ULK4: variants seen among roughly 807,000 people sequenced by gnomAD.
ULK4 encodes the protein unc-51 like kinase 4, also known as inactive serine/threonine-protein kinase ULK4.
In ULK4, 133 loss-of-function variants were observed where a neutral mutation model predicts 160.6. That is an observed-to-expected ratio of 0.83 (90% CI 0.72 to 0.96). ULK4 has a LOEUF of 0.96. Ranked by LOEUF, ULK4 falls within the 40% of genes least tolerant of loss-of-function variation. ULK4 has a pLI of 0.00. For synonymous variants in ULK4, 534 were observed against 539.8 expected (o/e 0.99, Z 0.15); for missense variants, 1,580 against 1,499.5 (o/e 1.05, Z -0.89).
chr3:41,273,177 T>G (rs1484716808), intron 35 of ULK4, among the ~76,000 whole-genome samples: 8 of 152,240 alleles, frequency 5.3e-5, no homozygotes, highest in African/African-American at 1.9e-4. Context: ...TCTTGATCTT[T>G]GCTTTCAAAT....
chr3:41,343,494 G>T (rs1212993387), intron 35 of ULK4, among the ~76,000 whole-genome samples: 1 of 151,206 alleles, frequency 6.6e-6, no homozygotes, highest in Non-Finnish European at 1.5e-5. Context: ...TAGTAGAGAG[G>T]GGTTTCACCA....
At chr3:41,893,059 T>C (rs1173213487) in intron 16 of ULK4, among the ~76,000 whole-genome samples, 1 of 152,146 alleles carries the variant, frequency 6.6e-6, no homozygotes, top group African/African-American at 2.4e-5. Flanking sequence ...CCCCTTGATA[T>C]TTCAGTAGCA....
At chr3:41,942,322 C>G (rs1699984114) in intron 2 of ULK4, among the ~76,000 whole-genome samples, 1 of 152,054 alleles carries the variant, frequency 6.6e-6, no homozygotes, top group Non-Finnish European at 1.5e-5. Flanking sequence ...AGTTTAAGAC[C>G]AGCCTGGCCA....
intron 32 of ULK4, among the ~76,000 whole-genome samples, chr3:41,481,320 C>T (rs2700464): frequency 0.22 from 32,717 of 152,006 alleles, 4,422 homozygotes; most frequent in Non-Finnish European, 0.3. Flanking sequence ...TTAACAATGC[C>T]GAGGCAGAGA....
intron 31 of ULK4, among the ~76,000 whole-genome samples, chr3:41,581,080 T>C (rs879372308): frequency 6.6e-6 from 1 of 152,156 alleles, no homozygotes; most frequent in Admixed American, 6.5e-5. Context: ...CCATTCACCC[T>C]TTCCCAGAAT....
At chr3:41,596,373 G>A (rs1179823563) in intron 31 of ULK4, among the ~76,000 whole-genome samples, 1 of 152,176 alleles carries the variant, frequency 6.6e-6, no homozygotes, top group Non-Finnish European at 1.5e-5. Context: ...GAATAGGAGA[G>A]TTAGGAGTTG....
At chr3:41,312,403 C>A (rs1481547046) in intron 35 of ULK4, among the ~76,000 whole-genome samples, 3 of 152,158 alleles carry the variant, frequency 2.0e-5, no homozygotes, top group Admixed American at 6.5e-5. Flanking sequence ...ATAACAACAA[C>A]AAGCAACCTA....
chr3:41,649,712 G>C (rs2034661278), intron 30 of ULK4, among the ~76,000 whole-genome samples: 1 of 152,200 alleles, frequency 6.6e-6, no homozygotes. Flanking sequence ...GCCTACAGGT[G>C]CCCCACAGCA....
At chr3:41,517,482 G>C (rs1053063713) in intron 32 of ULK4, among the ~76,000 whole-genome samples, 12 of 152,158 alleles carry the variant, frequency 7.9e-5, no homozygotes, top group Non-Finnish European at 4.4e-5. Context: ...TGGAAGCAGA[G>C]AGCAGCCCTC....
At chr3:41,735,171 G>A (rs1329739335) in intron 22 of ULK4, among the ~76,000 whole-genome samples, 1 of 152,160 alleles carries the variant, frequency 6.6e-6, no homozygotes, top group East Asian at 1.9e-4. Flanking sequence ...ATAAGCTAAT[G>A]AATGCGAAAA....
intron 32 of ULK4, among the ~76,000 whole-genome samples, chr3:41,466,388 A>G (rs1278096915): frequency 2.6e-5 from 4 of 152,194 alleles, no homozygotes; most frequent in Non-Finnish European, 5.9e-5. Context: ...CAGACCCACA[A>G]TTACACAGTC....
chr3:41,401,993 C>G (rs1206413685), intron 34 of ULK4, among the ~76,000 whole-genome samples: 2 of 152,078 alleles, frequency 1.3e-5, no homozygotes, highest in African/African-American at 2.4e-5. Context: ...TTTCTTTAAG[C>G]CTTTGATCTG....
rs184829810 is a variant in ULK4 at position 41,918,687 on chromosome 3, C to T, written c.644-147G>A. ...CGCAATCTCGGCTCACTGCACACTCCGCCTCCTGGGTTCAGGCCACTCTCC... is the reference window on the plus strand; with the variant it reads ...CGCAATCTCGGCTCACTGCACACTCTGCCTCCTGGGTTCAGGCCACTCTCC... On this transcript the variant is annotated intron_variant, in intron 6 of 36. Coordinates refer to ENST00000301831, the MANE Select transcript of ULK4 (RefSeq NM_017886.4). The T allele has an allele frequency of 1.8e-4, 82 of 451,342 alleles. 2 individuals carry two copies. The highest frequency in any genetic ancestry group is 6.7e-4 in the Admixed American group (15 of 22,508). The allele number at this position is 451,342 out of a possible 1,614,324, so 28.0% of individuals were successfully genotyped here.
At chr3:41,900,101 T>C (rs1698297621) in intron 13 of ULK4, among the ~76,000 whole-genome samples, 1 of 152,184 alleles carries the variant, frequency 6.6e-6, no homozygotes, top group South Asian at 2.1e-4. Context: ...TGAATTTGTT[T>C]TTTAAAGTAG....
chr3:41,735,644 A>C (rs1467346971), intron 22 of ULK4, among the ~76,000 whole-genome samples: 1 of 151,714 alleles, frequency 6.6e-6, no homozygotes, highest in East Asian at 1.9e-4. Context: ...AGAGAGTCAA[A>C]ACACTACAGT....
intron 32 of ULK4, among the ~76,000 whole-genome samples, chr3:41,502,101 T>C (rs1278796182): frequency 1.3e-5 from 2 of 152,238 alleles, no homozygotes; most frequent in Admixed American, 6.5e-5. Context: ...CATCCACTGA[T>C]GGACATTTAA....
In ULK4 at chr3:41,714,852, T is replaced by TAAAAAAAA. The variant is rs60470015; in HGVS notation, c.2634+377_2634+384dup. The stretch of plus-strand genomic sequence containing the variant: ...GGGCAACAGAGCGAGACTCTGTCTT[T>TAAAAAAAA]AAAAAAAAAAAAGAAACTGCACATG... On this transcript the variant is annotated intron_variant, in intron 25 of 36. Transcript: ENST00000301831. 1.1e-4 allele frequency among the ~76,000 whole-genome samples: 15 copies of TAAAAAAAA among 131,324 alleles called. 1 individual carries two copies. The highest frequency in any genetic ancestry group is 1.7e-4 in the African/African-American group (5 of 30,148). The allele number at this position is 131,324 out of a possible 152,430, so 86.2% of individuals were successfully genotyped here. A position where few individuals can be genotyped will look rare whatever the true frequency, so the allele number is the denominator to read the frequency against.
chr3:41,818,455 G>A (rs1189329698), intron 19 of ULK4, among the ~76,000 whole-genome samples: 1 of 152,192 alleles, frequency 6.6e-6, no homozygotes. Flanking sequence ...CACCTAGCTT[G>A]AAGCTCTGAA....
intron 5 of ULK4, among the ~76,000 whole-genome samples, chr3:41,925,392 C>T (rs941511568): frequency 2.3e-4 from 35 of 152,208 alleles, no homozygotes; most frequent in African/African-American, 7.2e-4. Context: ...ATTTTTCCCA[C>T]GGTCTTTGCA....
Sources: allele counts gnomAD v4.1 joint callset (sites outside exome capture counted in the v4.1 genomes callset), GRCh38; gene constraint gnomAD v4.1.1; transcripts MANE v1.5; gene names NCBI Gene and HGNC (gene_info 2026-07-23, HGNC 2026-07-21).